LMAN1: variants seen among roughly 807,000 people sequenced by gnomAD.
The protein encoded by LMAN1 is lectin, mannose binding 1, also known as protein ERGIC-53.
LMAN1 carries 32 observed loss-of-function variants against 67.8 expected under a neutral mutation model. The observed-to-expected ratio is 0.47, with a 90% CI of 0.36 to 0.63. The LOEUF (loss-of-function observed/expected upper bound fraction) is 0.63. Among genes scored for constraint, LMAN1 ranks in the 30% least tolerant of loss-of-function variants. LMAN1 has a pLI of 0.00. For synonymous variants in LMAN1, 235 were observed against 219.3 expected (o/e 1.07, Z -0.63); for missense variants, 632 against 628.2 (o/e 1.01, Z -0.06).
chr18:59,328,412 C>A lies in LMAN1; in HGVS notation c.*2681G>T, dbSNP rs781123499. 12 of 152,148 alleles carry A rather than the reference C, an allele frequency of 7.9e-5. No individual in the cohort carries two copies. The highest frequency in any genetic ancestry group is 2.6e-4 in the Admixed American group (4 of 15,260). 9.4% of individuals were successfully genotyped at this position (152,148 alleles called of 1,614,324 possible). ...AATACTGAAAGCAACAGGTAATAAT[C>A]TGGATTCAGTCTGTAGTTGCTCATG... On this transcript the variant is annotated 3_prime_UTR_variant, in exon 13 of 13. Coordinates refer to ENST00000251047, the MANE Select transcript of LMAN1 (RefSeq NM_005570.4).
At chr18:59,338,707 T>A in intron 9 of LMAN1, 53 bp downstream of exon 9, 1 of 1,609,144 alleles carries the variant, frequency 6.2e-7, no homozygotes, top group African/African-American at 1.3e-5. Context: ...TCTTCTTTAC[T>A]TCCCTTCCAG....
At chr18:59,357,223 A>G (rs2144235087) in intron 1 of LMAN1, among the ~76,000 whole-genome samples, 1 of 152,320 alleles carries the variant, frequency 6.6e-6, no homozygotes, top group South Asian at 2.1e-4. Flanking sequence ...TTCTAGCCAC[A>G]CGGCTTTAAT....
chr18:59,339,591 C>G (rs1365781091), intron 8 of LMAN1, among the ~76,000 whole-genome samples: 1 of 152,160 alleles, frequency 6.6e-6, no homozygotes, highest in Non-Finnish European at 1.5e-5. Context: ...AAAGGGAAAC[C>G]ACATGGAATC....
chr18:59,347,173 A>C (rs865882060), intron 7 of LMAN1, among the ~76,000 whole-genome samples: 1 of 151,544 alleles, frequency 6.6e-6, no homozygotes, highest in African/African-American at 2.4e-5. Context: ...GCTTACCGCA[A>C]CCTCTCGCTC....
At chr18:59,339,714 G>GGGGAC (rs1908244990) in intron 8 of LMAN1, among the ~76,000 whole-genome samples, 1 of 152,114 alleles carries the variant, frequency 6.6e-6, no homozygotes, top group Non-Finnish European at 1.5e-5. Flanking sequence ...GGAGAGAAGG[G>GGGGAC]GGGACACTGG....
intron 10 of LMAN1, among the ~76,000 whole-genome samples, chr18:59,334,875 G>C (rs1043773235): frequency 2.0e-5 from 3 of 151,700 alleles, no homozygotes; most frequent in African/African-American, 7.3e-5. Flanking sequence ...TAAAGAAAAA[G>C]TTCCAGAGCA....
At chr18:59,331,355 T>C in intron 12 of LMAN1, 63 bp downstream of exon 12, 3 of 1,478,302 alleles carry the variant, frequency 2.0e-6, no homozygotes, top group East Asian at 2.3e-5. Flanking sequence ...GATAACTTAG[T>C]TGAATATTTC....
chr18:59,331,391 T>G, intron 12 of LMAN1, 27 bp downstream of exon 12: 2 of 1,589,272 alleles, frequency 1.3e-6, no homozygotes, highest in Non-Finnish European at 1.7e-6. Context: ...AGAAAAATAT[T>G]GGGTCACATT....
chr18:59,349,308 T>C (rs1422469336), intron 5 of LMAN1, 72 bp from the exon 6 acceptor site: 1 of 1,325,416 alleles, frequency 7.5e-7, no homozygotes, highest in Non-Finnish European at 1.1e-6. Context: ...ATCCATTTTA[T>C]GACTACTATT....
chr18:59,344,931 G>A (rs1908366511), intron 8 of LMAN1, among the ~76,000 whole-genome samples: 1 of 152,174 alleles, frequency 6.6e-6, no homozygotes, highest in African/African-American at 2.4e-5. Context: ...GAAGGTTGTT[G>A]ACTTTAAGGA....
intron 10 of LMAN1, among the ~76,000 whole-genome samples, chr18:59,335,734 A>G (rs1908130828): frequency 6.6e-6 from 1 of 152,238 alleles, no homozygotes; most frequent in Non-Finnish European, 1.5e-5. Context: ...GAGTAATATC[A>G]GCCATAATGA....
At chr18:59,331,581 C>G in intron 11 of LMAN1, 42 bp from the exon 12 acceptor site, 1 of 1,605,278 alleles carries the variant, frequency 6.2e-7, no homozygotes. Context: ...GTCAAAATAG[C>G]AGTTTGGAAA....
At chr18:59,335,425 C>T (rs981380216) in intron 10 of LMAN1, among the ~76,000 whole-genome samples, 5 of 147,998 alleles carry the variant, frequency 3.4e-5, no homozygotes, top group Admixed American at 2.0e-4. Flanking sequence ...AAGAGCAAAA[C>T]TCCATCTCAA....
chr18:59,341,260 T>C (rs1026098634), intron 8 of LMAN1, among the ~76,000 whole-genome samples: 1 of 151,850 alleles, frequency 6.6e-6, no homozygotes, highest in African/African-American at 2.4e-5. Context: ...ACAATAATAG[T>C]GGGAGAATTT....
intron 8 of LMAN1, among the ~76,000 whole-genome samples, chr18:59,341,085 A>G (rs1315107412): frequency 6.6e-6 from 1 of 151,952 alleles, no homozygotes; most frequent in East Asian, 1.9e-4. Flanking sequence ...TATATGAGAT[A>G]AAACAGACTT....
chr18:59,359,220 G>C lies in LMAN1; in HGVS notation c.25C>G (p.Leu9Val). The C allele has an allele frequency of 6.2e-7, 1 of 1,613,930 alleles. No homozygotes were observed. The highest frequency in any genetic ancestry group is 1.3e-5 in the African/African-American group (1 of 75,062). Residue 9 changes from leucine to valine, a missense_variant, in exon 1 of 13, where the codon CTC becomes GTC. By Grantham distance (32) the Leu-to-Val change is conservative. Transcript: ENST00000251047. MAGSRQRG[L>V]RARVRPLFCA... is the part of the protein sequence containing the mutation. Reference sequence around the variant, plus strand: ...AACAGCGGCCGAACTCTGGCCCGGAGACCCCTTTGCCTGGATCCCGCCATC... The same window carrying C: ...AACAGCGGCCGAACTCTGGCCCGGACACCCCTTTGCCTGGATCCCGCCATC...
intron 4 of LMAN1, 73 bp downstream of exon 4, chr18:59,354,446 T>G: frequency 1.2e-6 from 1 of 860,964 alleles, no homozygotes; most frequent in South Asian, 1.4e-5. Flanking sequence ...GTGTTCAGAT[T>G]TGAAACAATG....
intron 5 of LMAN1, chr18:59,352,925 A>G: frequency 2.6e-6 from 1 of 379,852 alleles, no homozygotes; most frequent in South Asian, 2.2e-5. Flanking sequence ...CTATCTACCT[A>G]TCTATCTATC....
chr18:59,344,309 G>T (rs1429656421), intron 8 of LMAN1, among the ~76,000 whole-genome samples: 2 of 152,146 alleles, frequency 1.3e-5, no homozygotes, highest in Non-Finnish European at 2.9e-5. Context: ...CAAAGGGAAA[G>T]AAATCATTAT....
Sources: allele counts gnomAD v4.1 joint callset (sites outside exome capture counted in the v4.1 genomes callset), GRCh38; gene constraint gnomAD v4.1.1; transcripts MANE v1.5; gene names NCBI Gene and HGNC (gene_info 2026-07-23, HGNC 2026-07-21).